The following ADGRV1 variants were observed in gnomAD, a reference collection of about 807,000 sequenced individuals.
ADGRV1 encodes the protein G-protein coupled receptor 98.
ADGRV1 carries 359 observed loss-of-function variants against 596.2 expected under a neutral mutation model. That is an observed-to-expected ratio of 0.60 (90% CI 0.55 to 0.66). ADGRV1 has a LOEUF of 0.66. Among genes scored for constraint, ADGRV1 ranks in the 30% least tolerant of loss-of-function variants. ADGRV1 has a pLI of 0.00. For synonymous variants in ADGRV1, 2,681 were observed against 2,679.2 expected, an observed-to-expected ratio of 1.00 and a Z score of -0.02; for missense variants, 7,274 against 7,575.6, an observed-to-expected ratio of 0.96 and a Z score of 1.48.
intron 87 of ADGRV1, among the ~76,000 whole-genome samples, chr5:91,140,905 G>A (rs977819456): frequency 6.6e-6 from 1 of 152,102 alleles, no homozygotes; most frequent in African/African-American, 2.4e-5. Context: ...TGTAAAATAG[G>A]CTCAAAAGGA....
rs1465160857 is a variant in ADGRV1 at position 90,720,200 on chromosome 5, C to G, written c.9600C>G (p.Phe3200Leu). ...VLQNQAPLGL[F>L]SISAVENRAT... Reference sequence around the variant, plus strand: ...AAAACCAGGCCCCTTTGGGGCTATTCAGTATCTCTGCAGTTGAAAATAGGT... The same window carrying G: ...AAAACCAGGCCCCTTTGGGGCTATTGAGTATCTCTGCAGTTGAAAATAGGT... The change falls in exon 44 of 90, where the codon TTC becomes TTG. Residue 3200 changes from phenylalanine to leucine, a missense_variant. By Grantham distance (22) the Phe-to-Leu change is conservative (BLOSUM62 0). This residue lies in a region of ADGRV1 where 3,643 missense variants were observed against 3,809.2 expected (regional missense o/e 0.96). Coordinates refer to ENST00000405460, the MANE Select transcript of ADGRV1 (RefSeq NM_032119.4). The G allele has an allele frequency of 6.3e-7, 1 of 1,585,274 alleles. No homozygotes were observed. The highest frequency in any genetic ancestry group is 1.4e-5 in the African/African-American group (1 of 74,014).
chr5:90,617,887 C>T lies in ADGRV1; in HGVS notation c.291C>T (p.Tyr97=). 6.3e-7 allele frequency: 1 copy of T among 1,597,336 alleles called. No homozygotes were observed. The highest frequency in any genetic ancestry group is 8.5e-7 in the Non-Finnish European group (1 of 1,170,704). The change falls in exon 3 of 90, where the codon TAC becomes TAT. Residue 97 remains tyrosine (Y), a synonymous_variant. Coordinates refer to ENST00000405460, the MANE Select transcript of ADGRV1 (RefSeq NM_032119.4). ...CCGGAGAAACAAACAGAACAGTGTACATAGCAGTATGTGATGATGACTTAC... is the reference window on the plus strand; with the variant it reads ...CCGGAGAAACAAACAGAACAGTGTATATAGCAGTATGTGATGATGACTTAC... ...IPAGETNRTV[Y]IAVCDDDLPE...
chr5:90,835,483 C>G (rs1387064670), intron 77 of ADGRV1, among the ~76,000 whole-genome samples: 1 of 152,182 alleles, frequency 6.6e-6, no homozygotes, highest in Non-Finnish European at 1.5e-5. Context: ...TGGGATTGTG[C>G]TAGATCAGAC....
At chr5:90,824,545 G>GT (rs1763906591) in intron 76 of ADGRV1, among the ~76,000 whole-genome samples, 2 of 152,158 alleles carry the variant, frequency 1.3e-5, no homozygotes, top group Admixed American at 1.3e-4. Context: ...TCACATCATT[G>GT]TTTTTTGCTT....
intron 67 of ADGRV1, among the ~76,000 whole-genome samples, chr5:90,785,991 G>A (rs1004047450): frequency 1.3e-5 from 2 of 152,124 alleles, no homozygotes; most frequent in Admixed American, 6.6e-5. Context: ...GCAAAAACTT[G>A]GAACCAACCC....
chr5:90,683,178 A>G (rs538924834), intron 27 of ADGRV1, among the ~76,000 whole-genome samples: 9 of 152,234 alleles, frequency 5.9e-5, no homozygotes, highest in African/African-American at 2.2e-4. Flanking sequence ...TTATAGTTTC[A>G]TGCAACAATC....
intron 58 of ADGRV1, chr5:90,760,053 T>A (rs1399841798): frequency 6.9e-6 from 1 of 145,316 alleles, no homozygotes; most frequent in Non-Finnish European, 1.4e-5. Context: ...GGCGGGCGGA[T>A]CACGAGGTCA....
chr5:91,073,728 T>C (rs866395607), intron 86 of ADGRV1, among the ~76,000 whole-genome samples: 5 of 152,336 alleles, frequency 3.3e-5, no homozygotes, highest in Middle Eastern at 3.4e-3. Context: ...GACAGGGTCT[T>C]ACTCTGTCAC....
At chr5:90,862,356 TCA>T (rs5869527) in intron 82 of ADGRV1, among the ~76,000 whole-genome samples, 130,294 of 150,368 alleles carry the variant, frequency 0.87, 57,396 homozygotes, top group Non-Finnish European at 0.95. Flanking sequence ...AGTATATTAC[TCA>T]CACACACACA....
chr5:90,955,788 C>T (rs547391032), intron 83 of ADGRV1, among the ~76,000 whole-genome samples: 5 of 152,198 alleles, frequency 3.3e-5, no homozygotes, highest in East Asian at 1.9e-4. Flanking sequence ...TAAAAATATA[C>T]GTGTATGTAG....
At chr5:90,859,547 C>T (rs1767345049) in intron 82 of ADGRV1, among the ~76,000 whole-genome samples, 1 of 152,046 alleles carries the variant, frequency 6.6e-6, no homozygotes, top group Admixed American at 6.6e-5. Context: ...AGTCTCCTGC[C>T]TCAGCCTCCT....
intron 73 of ADGRV1, 39 bp downstream of exon 73, chr5:90,807,776 G>A: frequency 1.4e-6 from 2 of 1,465,236 alleles, no homozygotes; most frequent in Admixed American, 2.2e-5. Context: ...AATTCTCTGA[G>A]GAATAATCTG....
intron 83 of ADGRV1, among the ~76,000 whole-genome samples, chr5:90,900,284 G>A (rs59343071): frequency 0.06 from 8,988 of 150,910 alleles, 448 homozygotes; most frequent in East Asian, 0.22. Context: ...TCTCTTAAAG[G>A]CATTATTTGT....
chr5:90,813,253 T>C (rs965243557), intron 74 of ADGRV1, among the ~76,000 whole-genome samples: 1 of 142,664 alleles, frequency 7.0e-6, no homozygotes, highest in African/African-American at 2.5e-5. Flanking sequence ...GGGCTGATAG[T>C]AAAAATACTT....
Position 90,618,084 on chromosome 5 carries a change from A to C in ADGRV1, c.357+131A>C, listed in dbSNP as rs1763596620. On this transcript the variant is annotated intron_variant, in intron 3 of 89. Transcript: ENST00000405460. ...GATAACTGGTGGTGGTATTCATAGA[A>C]TCCAGAACTGACAACCTCTTCAGCG... The C allele has an allele frequency of 1.0e-5, 6 of 597,326 alleles. No homozygotes were observed. The East Asian group carries it at 1.8e-4, about 18-fold the overall frequency. The allele number at this position is 597,326 out of a possible 1,614,324, so 37.0% of individuals were successfully genotyped here. A position where few individuals can be genotyped will look rare whatever the true frequency, so the allele number is the denominator to read the frequency against.
chr5:90,882,050 G>C (rs1241505097), intron 83 of ADGRV1, among the ~76,000 whole-genome samples: 2 of 151,964 alleles, frequency 1.3e-5, no homozygotes, highest in African/African-American at 4.8e-5. Flanking sequence ...TTTATACCAA[G>C]GACTGAGCCA....
chr5:90,761,392 A>G (rs765523647), intron 58 of ADGRV1, among the ~76,000 whole-genome samples: 19 of 152,220 alleles, frequency 1.2e-4, no homozygotes, highest in Non-Finnish European at 2.6e-4. Context: ...TTACACATGA[A>G]TATGTAATTT....
In ADGRV1 at chr5:90,720,147, C is replaced by G. The variant is rs780004970; in HGVS notation, c.9547C>G (p.His3183Asp). 6.2e-7 allele frequency: 1 copy of G among 1,612,934 alleles called. No individual in the cohort carries two copies. Among genetic ancestry groups the G allele is most frequent in the Non-Finnish European group, 8.5e-7 (1 of 1,179,266 alleles). Residue 3183 changes from histidine (H) to aspartate (D), a missense_variant, in exon 44 of 90, where the codon CAT becomes GAT. His to Asp is a moderately conservative substitution (Grantham distance 81). Transcript: ENST00000405460. ...AACTGGAGGTGCTAGACTAGGGGTG[C>G]ATGTTCAAACCCTGATAACAGTTTT... Reference protein sequence around the residue: ...NPTGGARLGVHVQTLITVLQN... With the variant: ...NPTGGARLGVDVQTLITVLQN...
At position 90,614,813 on chromosome 5, in the gene ADGRV1, T is replaced by C. The variant is rs779542184; in HGVS notation, c.23-22T>C. 7.9e-6 allele frequency: 12 copies of C among 1,521,852 alleles called. No homozygotes were observed. The East Asian group carries it at 2.8e-4, about 35-fold the overall frequency. 94.3% of individuals were successfully genotyped at this position (1,521,852 alleles called of 1,614,324 possible). ...TAGATTAGATATATTTTGTGAATAATATTTTTTTCTTTTTGTTTTAGGGAT... is the reference window on the plus strand; with the variant it reads ...TAGATTAGATATATTTTGTGAATAACATTTTTTTCTTTTTGTTTTAGGGAT... On this transcript the variant is annotated intron_variant, in intron 1 of 89. Transcript: ENST00000405460.
Sources: allele counts gnomAD v4.1 joint callset (sites outside exome capture counted in the v4.1 genomes callset), GRCh38; gene constraint gnomAD v4.1.1; regional missense constraint gnomAD v4.1.1; transcripts MANE v1.5; gene names NCBI Gene and HGNC (gene_info 2026-07-23, HGNC 2026-07-21).